YAP1: variants seen among roughly 807,000 people sequenced by gnomAD.
YAP1 encodes Yes1 associated transcriptional regulator.
YAP1 carries 5 observed loss-of-function variants against 56.9 expected under a neutral mutation model. The ratio of observed to expected loss-of-function variants is 0.09; its 90% CI spans 0.05 to 0.18. The LOEUF is 0.18. Among genes scored for constraint, YAP1 ranks in the 10% least tolerant of loss-of-function variants. The pLI, the probability that YAP1 is intolerant of heterozygous loss-of-function variation, is 1.00. For missense variants in YAP1, 539 were observed against 651.8 expected, an observed-to-expected ratio of 0.83 and a Z score of 1.88; for synonymous variants, 265 against 248.1, an observed-to-expected ratio of 1.07 and a Z score of -0.64.
At chr11:102,191,345 C>T (rs552090016) in intron 4 of YAP1, among the ~76,000 whole-genome samples, 27 of 151,752 alleles carry the variant, frequency 1.8e-4, no homozygotes, top group South Asian at 1.0e-3. Flanking sequence ...TACGATTCCT[C>T]GGACCACCAA....
At position 102,110,835 on chromosome 11, in the gene YAP1, G is replaced by A; in HGVS notation, c.-14G>A. 2.2e-6 allele frequency: 3 copies of A among 1,392,732 alleles called. No homozygotes were observed. Among genetic ancestry groups the A allele is most frequent in the South Asian group, 1.5e-5 (1 of 66,170 alleles). The allele number at this position is 1,392,732 out of a possible 1,614,324, so 86.3% of individuals were successfully genotyped here. On this transcript the variant is annotated 5_prime_UTR_variant, in exon 1 of 9. Transcript: ENST00000282441. ...GCCTGGGTCAGGGGGTGCGCGTCGG[G>A]GGAGGCAGAAGCCATGGATCCCGGG...
chr11:102,202,576 C>T (rs187645417), intron 4 of YAP1, among the ~76,000 whole-genome samples: 2 of 151,292 alleles, frequency 1.3e-5, no homozygotes, highest in African/African-American at 4.8e-5. Context: ...ATGAATCAAA[C>T]ATTTATTCTG....
chr11:102,113,617 A>T lies in YAP1; in HGVS notation c.322-527A>T, dbSNP rs72972154. Among the ~76,000 whole-genome samples, 546 of 152,208 alleles carry T rather than the reference A, an allele frequency of 3.6e-3. 2 individuals are homozygous for T. Among genetic ancestry groups the T allele is most frequent in the Non-Finnish European group, 6.0e-3 (410 of 67,998 alleles). ...TTGTTGCTCTCATTAAAATTTGTGT[A>T]ATTTGTTATGATTTCTTTATTGATG... is the stretch of plus-strand genomic sequence containing the variant. On this transcript the variant is annotated intron_variant, in intron 1 of 8. Transcript: ENST00000282441.
intron 4 of YAP1, among the ~76,000 whole-genome samples, chr11:102,195,397 A>T (rs1224905242): frequency 6.6e-6 from 1 of 152,208 alleles, no homozygotes; most frequent in African/African-American, 2.4e-5. Context: ...ATTTGTTACC[A>T]GTATTTTTGA....
chr11:102,212,817 G>A (rs1039758343), intron 6 of YAP1, among the ~76,000 whole-genome samples: 8 of 152,092 alleles, frequency 5.3e-5, no homozygotes, highest in African/African-American at 1.4e-4. Flanking sequence ...CCAACCTCAG[G>A]TGATCTGCCC....
chr11:102,175,812 G>A (rs958819643), intron 3 of YAP1, among the ~76,000 whole-genome samples: 1 of 152,152 alleles, frequency 6.6e-6, no homozygotes, highest in East Asian at 1.9e-4. Context: ...TGACAGCCAC[G>A]ACATCTCTAG....
intron 2 of YAP1, among the ~76,000 whole-genome samples, chr11:102,160,239 T>C (rs923578407): frequency 6.6e-6 from 1 of 152,012 alleles, no homozygotes; most frequent in African/African-American, 2.4e-5. Context: ...GTCAGGCTGG[T>C]CTTGAACTCC....
chr11:102,129,216 A>G (rs1944228198), intron 2 of YAP1, among the ~76,000 whole-genome samples: 1 of 151,894 alleles, frequency 6.6e-6, no homozygotes, highest in Admixed American at 6.6e-5. Context: ...TCCCTAATAG[A>G]CCATTGTTGA....
intron 5 of YAP1, 83 bp downstream of exon 5, chr11:102,206,157 T>A: frequency 6.7e-7 from 1 of 1,492,344 alleles, no homozygotes; most frequent in Non-Finnish European, 9.1e-7. Flanking sequence ...TTAACATTTA[T>A]TAGTTACAGA....
intron 3 of YAP1, among the ~76,000 whole-genome samples, chr11:102,165,538 G>T (rs1365294458): frequency 1.3e-5 from 2 of 152,056 alleles, no homozygotes; most frequent in African/African-American, 2.4e-5. Flanking sequence ...GGAGTGAGGG[G>T]GAGAAGGCAT....
intron 5 of YAP1, among the ~76,000 whole-genome samples, chr11:102,208,958 A>G (rs958066324): frequency 6.6e-6 from 1 of 152,072 alleles, no homozygotes; most frequent in Non-Finnish European, 1.5e-5. Flanking sequence ...TTTATTCTCA[A>G]ACTTACTCTG....
intron 2 of YAP1, among the ~76,000 whole-genome samples, chr11:102,146,143 GC>G (rs1418562500): frequency 2.6e-5 from 4 of 152,052 alleles, no homozygotes; most frequent in African/African-American, 9.7e-5. Flanking sequence ...CCATAGCCTG[GC>G]CCCATATCAC....
chr11:102,186,399 A>T, intron 4 of YAP1: 1 of 329,512 alleles, frequency 3.0e-6, no homozygotes, highest in Non-Finnish European at 5.6e-6. Flanking sequence ...TTCCTTTCAC[A>T]TTTTGGGAGA....
chr11:102,135,071 G>T (rs1222526116), intron 2 of YAP1, among the ~76,000 whole-genome samples: 1 of 152,182 alleles, frequency 6.6e-6, no homozygotes, highest in Non-Finnish European at 1.5e-5. Flanking sequence ...ATTTCACTAT[G>T]TTGGCCAGGC....
rs556329157 is a variant in YAP1 at position 102,193,393 on chromosome 11, A to C, written c.802+7262A>C. On this transcript the variant is annotated intron_variant, in intron 4 of 8. Coordinates refer to ENST00000282441, the MANE Select transcript of YAP1 (RefSeq NM_001130145.3). ...CAACTTTAGTTGTATTCCTCTGTCC[A>C]GTATGTCTCAACTATGTTTTGTGAA... Among the ~76,000 whole-genome samples the C allele has an allele frequency of 7.2e-5, 11 of 152,290 alleles. No individual in the cohort carries two copies. The South Asian group carries it at 2.3e-3, about 32-fold the overall frequency.
intron 4 of YAP1, among the ~76,000 whole-genome samples, chr11:102,203,210 C>T (rs570367991): frequency 2.2e-4 from 34 of 152,302 alleles, no homozygotes; most frequent in African/African-American, 6.7e-4. Flanking sequence ...ATTTCTAAAA[C>T]GCTGCTAGGT....
intron 6 of YAP1, among the ~76,000 whole-genome samples, chr11:102,219,143 A>G (rs367597435): frequency 2.0e-5 from 3 of 152,202 alleles, no homozygotes; most frequent in Admixed American, 1.3e-4. Flanking sequence ...ATATTCTCCA[A>G]TACTCCCATG....
Position 102,228,634 on chromosome 11 carries a change from C to CAAA in YAP1, c.1277-1043_1277-1041dup, listed in dbSNP as rs71059544. Among the ~76,000 whole-genome samples, 32 of 31,632 alleles carry CAAA rather than the reference C, an allele frequency of 1.0e-3. 1 individual carries two copies. Among genetic ancestry groups the CAAA allele is most frequent in the East Asian group, 2.3e-3 (2 of 858 alleles). 20.8% of individuals were successfully genotyped at this position (31,632 alleles called of 152,430 possible). Reference sequence around the variant, plus strand: ...TGGGTGACAGAGCAAGACTCCGTCTCAAAAAAAAAAAAAAAAAAAAAAAAA... The same window carrying CAAA: ...TGGGTGACAGAGCAAGACTCCGTCTCAAAAAAAAAAAAAAAAAAAAAAAAAAAA... On this transcript the variant is annotated intron_variant, in intron 8 of 8. Coordinates refer to ENST00000282441, the MANE Select transcript of YAP1 (RefSeq NM_001130145.3).
intron 2 of YAP1, among the ~76,000 whole-genome samples, chr11:102,144,427 AC>A (rs1945201131): frequency 6.6e-6 from 1 of 152,164 alleles, no homozygotes; most frequent in African/African-American, 2.4e-5. Context: ...AAAGTAAGTC[AC>A]CTGTTGTATG....
Sources: gnomAD v4.1 joint callset for allele counts (sites outside exome capture counted in the v4.1 genomes callset) on GRCh38, gnomAD v4.1.1 for gene constraint, MANE v1.5 for transcripts, NCBI Gene and HGNC (gene_info 2026-07-23, HGNC 2026-07-21) for gene names.